The following SEC22A variants were observed in gnomAD, a reference collection of about 807,000 sequenced individuals.
SEC22A encodes SEC22 homolog A, vesicle trafficking protein.
A neutral mutation model predicts 35.3 loss-of-function variants in SEC22A; 22 were observed. The ratio of observed to expected loss-of-function variants is 0.62; its 90% CI spans 0.45 to 0.89. SEC22A has a LOEUF of 0.89. Ranked by LOEUF, SEC22A falls within the 40% of genes least tolerant of loss-of-function variation. The pLI is 0.00. For synonymous variants in SEC22A, 119 were observed against 129.5 expected (o/e 0.92, Z 0.55); for missense variants, 354 against 362.5 (o/e 0.98, Z 0.19).
intron 4 of SEC22A, among the ~76,000 whole-genome samples, chr3:123,243,535 C>T (rs1937543261): frequency 1.3e-5 from 2 of 152,100 alleles, no homozygotes; most frequent in African/African-American, 4.8e-5. Context: ...GGTTCTAGAC[C>T]ACCCTCCCCC....
At chr3:123,260,113 CAG>C (rs1317046779) in intron 6 of SEC22A, among the ~76,000 whole-genome samples, 1 of 111,862 alleles carries the variant, frequency 8.9e-6, no homozygotes, top group African/African-American at 3.7e-5. Context: ...GCCTGGGCAA[CAG>C]AGCGAGACTA....
rs1479423278 is a variant in SEC22A at position 123,273,203 on chromosome 3, A to G, written c.*1481A>G. On this transcript the variant is annotated 3_prime_UTR_variant, in exon 7 of 7. Coordinates refer to ENST00000492595, the MANE Select transcript of SEC22A (RefSeq NM_012430.5). Reference sequence around the variant, plus strand: ...TATTAAGTAGAGAAATAGAGGGTAAAAAGTTAGTGAACTGTCTTGTTTGCG... The same window carrying G: ...TATTAAGTAGAGAAATAGAGGGTAAGAAGTTAGTGAACTGTCTTGTTTGCG... 6.6e-6 allele frequency: 1 copy of G among 152,234 alleles called. No homozygotes were observed. The highest frequency in any genetic ancestry group is 2.4e-5 in the African/African-American group (1 of 41,458). The allele number at this position is 152,234 out of a possible 1,614,324, so 9.4% of individuals were successfully genotyped here. A position where few individuals can be genotyped will look rare whatever the true frequency, so the allele number is the denominator to read the frequency against.
At chr3:123,220,636 T>A (rs887364914) in intron 2 of SEC22A, among the ~76,000 whole-genome samples, 2 of 152,028 alleles carry the variant, frequency 1.3e-5, no homozygotes, top group African/African-American at 4.8e-5. Flanking sequence ...TGGAAAATGC[T>A]GTAGTTCACT....
rs112141118 is a variant in SEC22A at position 123,211,624 on chromosome 3, A to G, written c.182+2225A>G. Among the ~76,000 whole-genome samples the G allele has an allele frequency of 4.8e-4, 73 of 152,158 alleles. 1 individual carries two copies. The highest frequency in any genetic ancestry group is 3.4e-3 in the Middle Eastern group (1 of 294). On this transcript the variant is annotated intron_variant, in intron 2 of 6. Transcript: ENST00000492595. ...CAGGTGCACACCACCACACCCAGCT[A>G]ATTTTTTTATTTTTAGTAGGGATGA... is the stretch of plus-strand genomic sequence containing the variant.
At chr3:123,222,404 G>C (rs1453649605) in intron 2 of SEC22A, among the ~76,000 whole-genome samples, 1 of 151,932 alleles carries the variant, frequency 6.6e-6, no homozygotes, top group Non-Finnish European at 1.5e-5. Flanking sequence ...TCACCATGTT[G>C]GCCAGGCTGG....
intron 5 of SEC22A, among the ~76,000 whole-genome samples, chr3:123,253,712 CAAAA>C (rs550562079): frequency 3.9e-5 from 4 of 103,212 alleles, no homozygotes; most frequent in Admixed American, 9.7e-5. Context: ...GACTCCATCT[CAAAA>C]AAAAAAAAAA....
intron 4 of SEC22A, among the ~76,000 whole-genome samples, chr3:123,235,294 A>G (rs1436143484): frequency 6.6e-6 from 1 of 152,214 alleles, no homozygotes; most frequent in Non-Finnish European, 1.5e-5. Flanking sequence ...CTGATGAGGA[A>G]CTAGTATCTA....
At chr3:123,227,632 A>G (rs750877915) in intron 4 of SEC22A, among the ~76,000 whole-genome samples, 3 of 152,218 alleles carry the variant, frequency 2.0e-5, no homozygotes, top group Non-Finnish European at 4.4e-5. Context: ...ATGTAAGACA[A>G]TATCAACTAT....
chr3:123,205,379 G>T (rs1001249704), intron 1 of SEC22A, among the ~76,000 whole-genome samples: 3 of 152,152 alleles, frequency 2.0e-5, no homozygotes, highest in African/African-American at 7.2e-5. Flanking sequence ...TTTGGTTAAA[G>T]GCTAAAGTAC....
At chr3:123,247,910 C>T (rs1937579470) in intron 5 of SEC22A, among the ~76,000 whole-genome samples, 1 of 152,108 alleles carries the variant, frequency 6.6e-6, no homozygotes, top group South Asian at 2.1e-4. Flanking sequence ...GCCAGTCACC[C>T]TTAGAAGCCA....
At position 123,209,232 on chromosome 3, in the gene SEC22A, A is replaced by G. The variant is rs545126165; in HGVS notation, c.15A>G (p.Leu5=). 2 of 1,614,026 alleles carry G rather than the reference A, an allele frequency of 1.2e-6. No homozygotes were observed. Among genetic ancestry groups the G allele is most frequent in the East Asian group, 2.2e-5 (1 of 44,866 alleles). Residue 5 remains leucine, a synonymous_variant, in exon 2 of 7, where the codon TTA becomes TTG. Transcript: ENST00000492595. MSMI[L]SASVIRVRDG... Reference sequence around the variant, plus strand: ...TGTTGGTTGAAATGTCTATGATTTTATCTGCCTCAGTCATTCGTGTCAGAG... The same window carrying G: ...TGTTGGTTGAAATGTCTATGATTTTGTCTGCCTCAGTCATTCGTGTCAGAG...
rs567606115 is a variant in SEC22A at position 123,225,290 on chromosome 3, T to G, written c.534T>G (p.Ile178Met). The G allele has an allele frequency of 1.5e-4, 240 of 1,599,814 alleles. No homozygotes were observed. Among genetic ancestry groups the G allele is most frequent in the Non-Finnish European group, 1.9e-4 (221 of 1,170,750 alleles). ...FSVDCKGAGK[I>M]SSAHQRLEPA... The stretch of plus-strand genomic sequence containing the variant: ...TTGACTGTAAAGGTGCTGGTAAGAT[T>G]TCTTCTGGTGAGTTCTGGATCTCAG... Residue 178 changes from isoleucine (I) to methionine (M), a missense_variant, in exon 4 of 7, where the codon ATT (isoleucine) becomes ATG (methionine). Transcript: ENST00000492595.
intron 1 of SEC22A, among the ~76,000 whole-genome samples, chr3:123,203,155 AG>A: frequency 7.2e-6 from 1 of 138,148 alleles, no homozygotes; most frequent in East Asian, 2.3e-4. Context: ...GTCTTATCAC[AG>A]GGGTGCCTGT....
In SEC22A at chr3:123,225,223, G is replaced by A. The variant is rs1323059306; in HGVS notation, c.467G>A (p.Cys156Tyr). The change falls in exon 4 of 7, where the codon TGC becomes TAC. Residue 156 changes from cysteine (C) to tyrosine (Y), a missense_variant. Coordinates refer to ENST00000492595, the MANE Select transcript of SEC22A (RefSeq NM_012430.5). ...KLRPPYQISM[C>Y]ELGSANGVTS... Reference sequence around the variant, plus strand: ...AGGCCTCCTTATCAAATTTCCATGTGCGAACTGGGGTCAGCCAATGGAGTC... The same window carrying A: ...AGGCCTCCTTATCAAATTTCCATGTACGAACTGGGGTCAGCCAATGGAGTC... 2.5e-6 allele frequency: 4 copies of A among 1,613,694 alleles called. No individual in the cohort carries two copies. Among genetic ancestry groups the A allele is most frequent in the Middle Eastern group, 1.7e-4 (1 of 6,058 alleles).
At chr3:123,260,626 G>A (rs1363232384) in intron 6 of SEC22A, among the ~76,000 whole-genome samples, 1 of 152,144 alleles carries the variant, frequency 6.6e-6, no homozygotes, top group African/African-American at 2.4e-5. Flanking sequence ...AGCAAGCAAG[G>A]CTTTTTGACC....
chr3:123,261,627 T>G (rs1937896951), intron 6 of SEC22A, among the ~76,000 whole-genome samples: 1 of 152,262 alleles, frequency 6.6e-6, no homozygotes. Flanking sequence ...ATACAAGTTT[T>G]GGTTGCTTTG....
chr3:123,206,576 ATAAT>A (rs1936857118), intron 1 of SEC22A, among the ~76,000 whole-genome samples: 1 of 149,170 alleles, frequency 6.7e-6, no homozygotes, highest in South Asian at 2.1e-4. Flanking sequence ...TTGTGATTTA[ATAAT>A]TAAGTAAAAC....
rs920690485 is a variant in SEC22A at position 123,273,494 on chromosome 3, A to G, written c.*1772A>G. ...GTGTTGGGCATTTTGTAGCCAGGAAAGTGAAGTGGTTCAATTTAGAAAGGG... is the reference window on the plus strand; with the variant it reads ...GTGTTGGGCATTTTGTAGCCAGGAAGGTGAAGTGGTTCAATTTAGAAAGGG... On this transcript the variant is annotated 3_prime_UTR_variant, in exon 7 of 7. Transcript: ENST00000492595. 5 of 152,212 alleles carry G rather than the reference A, an allele frequency of 3.3e-5. No individual in the cohort carries two copies. Among genetic ancestry groups the G allele is most frequent in the African/African-American group, 1.2e-4 (5 of 41,424 alleles). 9.4% of individuals were successfully genotyped at this position (152,212 alleles called of 1,614,324 possible). A position where few individuals can be genotyped will look rare whatever the true frequency, so the allele number is the denominator to read the frequency against.
chr3:123,241,215 A>C (rs1271451802), intron 4 of SEC22A, among the ~76,000 whole-genome samples: 2 of 152,206 alleles, frequency 1.3e-5, no homozygotes, highest in Non-Finnish European at 2.9e-5. Context: ...ACATGCTCCA[A>C]AAGAGGTAAG....
Sources: gnomAD v4.1 joint callset for allele counts (sites outside exome capture counted in the v4.1 genomes callset) on GRCh38, gnomAD v4.1.1 for gene constraint, MANE v1.5 for transcripts, NCBI Gene and HGNC (gene_info 2026-07-23, HGNC 2026-07-21) for gene names.